The following ZDHHC15 variants were observed in gnomAD, a reference collection of about 807,000 sequenced individuals.
The protein encoded by ZDHHC15 is zDHHC palmitoyltransferase 15, also known as palmitoyltransferase ZDHHC15.
ZDHHC15 carries 19 observed loss-of-function variants against 31.7 expected under a neutral mutation model. That is an observed-to-expected ratio of 0.60 (90% CI 0.42 to 0.88). The LOEUF (loss-of-function observed/expected upper bound fraction) is 0.88, where lower values mean the gene tolerates loss of function less well. Among genes scored for constraint, ZDHHC15 ranks in the 40% least tolerant of loss-of-function variants. The pLI, the probability that ZDHHC15 is intolerant of heterozygous loss-of-function variation, is 0.00. For synonymous variants in ZDHHC15, 103 were observed against 90.0 expected (o/e 1.14, Z -0.82); for missense variants, 209 against 251.2 (o/e 0.83, Z 1.14).
intron 2 of ZDHHC15, among the ~76,000 whole-genome samples, chrX:75,480,066 C>T (rs1221470570): frequency 9.1e-6 from 1 of 110,308 alleles, no homozygotes; most frequent in African/African-American, 3.3e-5. Flanking sequence ...CTTATTACTT[C>T]AATCCGTCAG....
chrX:75,489,516 C>A (rs989853711), intron 2 of ZDHHC15, among the ~76,000 whole-genome samples: 1 of 112,150 alleles, frequency 8.9e-6, no homozygotes, highest in Non-Finnish European at 1.9e-5. Flanking sequence ...TCCAACAGAC[C>A]TGCAGCTGAG....
At chrX:75,402,657 C>T (rs1467556183) in intron 10 of ZDHHC15, among the ~76,000 whole-genome samples, 2 of 111,116 alleles carry the variant, frequency 1.8e-5, no homozygotes, top group Non-Finnish European at 3.8e-5. Flanking sequence ...AATTCCTAGA[C>T]ACATATACCC....
chrX:75,464,506 C>T (rs915416355), intron 3 of ZDHHC15, among the ~76,000 whole-genome samples: 22 of 110,557 alleles, frequency 2.0e-4, no homozygotes, highest in African/African-American at 6.5e-4. Context: ...CTTGTTAAAA[C>T]AAAAAAAGAA....
At chrX:75,459,011 AC>A (rs547922130) in intron 3 of ZDHHC15, among the ~76,000 whole-genome samples, 37,350 of 82,183 alleles carry the variant, frequency 0.45, 9,516 homozygotes, top group Non-Finnish European at 0.69. Context: ...AAAAAAAAAA[AC>A]AACCCCCAGC....
At chrX:75,439,895 TG>T (rs1340537737) in intron 4 of ZDHHC15, among the ~76,000 whole-genome samples, 1 of 111,530 alleles carries the variant, frequency 9.0e-6, no homozygotes, top group African/African-American at 3.3e-5. Flanking sequence ...TTTCTAAGGA[TG>T]GGGTTTCCTG....
intron 11 of ZDHHC15, among the ~76,000 whole-genome samples, chrX:75,375,665 G>A (rs1407114750): frequency 9.0e-6 from 1 of 111,512 alleles, no homozygotes; most frequent in Non-Finnish European, 1.9e-5. Flanking sequence ...GCATTATTTG[G>A]TTTCCTGTTT....
At chrX:75,381,921 C>T (rs1194233432) in intron 10 of ZDHHC15, among the ~76,000 whole-genome samples, 3 of 111,519 alleles carry the variant, frequency 2.7e-5, no homozygotes, top group Non-Finnish European at 1.9e-5. Context: ...TTTCTCATTC[C>T]AATAACATCT....
chrX:75,422,636 TCTGA>T (rs1569321399), intron 8 of ZDHHC15, among the ~76,000 whole-genome samples: 1 of 110,987 alleles, frequency 9.0e-6, no homozygotes, highest in Non-Finnish European at 1.9e-5. Flanking sequence ...TCTAGCTGCA[TCTGA>T]CTGTTTCTCA....
At chrX:75,521,120 GA>G (rs2085435370) in intron 1 of ZDHHC15, among the ~76,000 whole-genome samples, 1 of 110,767 alleles carries the variant, frequency 9.0e-6, no homozygotes, top group East Asian at 2.9e-4. Context: ...AGAAGTCTCA[GA>G]AGGACTTGGG....
At chrX:75,398,503 T>C (rs1280747302) in intron 10 of ZDHHC15, among the ~76,000 whole-genome samples, 1 of 112,801 alleles carries the variant, frequency 8.9e-6, no homozygotes, top group Admixed American at 9.3e-5. Context: ...GCTCTTTGGA[T>C]GACTTAGCCA....
chrX:75,468,761 G>T (rs964678761), intron 3 of ZDHHC15, among the ~76,000 whole-genome samples: 4 of 111,334 alleles, frequency 3.6e-5, no homozygotes, highest in African/African-American at 1.3e-4. Flanking sequence ...ATTTAATTTG[G>T]CTATCCTAGT....
chrX:75,381,051 T>C (rs1299449354), intron 10 of ZDHHC15, among the ~76,000 whole-genome samples: 1 of 111,353 alleles, frequency 9.0e-6, no homozygotes, highest in Non-Finnish European at 1.9e-5. Flanking sequence ...AAAACTTAGG[T>C]TGAGTCACCA....
intron 2 of ZDHHC15, 35 bp downstream of exon 2, chrX:75,505,786 G>A (rs367951488): frequency 3.8e-5 from 46 of 1,201,256 alleles, no homozygotes; most frequent in Middle Eastern, 2.3e-4. Flanking sequence ...AAAAGGACAC[G>A]GTCCTGATCA....
At chrX:75,493,077 A>G (rs1423021593) in intron 2 of ZDHHC15, among the ~76,000 whole-genome samples, 10 of 111,982 alleles carry the variant, frequency 8.9e-5, no homozygotes, top group African/African-American at 3.2e-4. Context: ...TCAAATAGAT[A>G]CAATACAAAA....
chrX:75,435,990 C>G (rs1343187856), intron 4 of ZDHHC15, among the ~76,000 whole-genome samples: 1 of 110,918 alleles, frequency 9.0e-6, no homozygotes, highest in Non-Finnish European at 1.9e-5. Flanking sequence ...TTTTTGTTGG[C>G]AATTTTTTTA....
At chrX:75,513,512 A>G (rs1023873812) in intron 1 of ZDHHC15, among the ~76,000 whole-genome samples, 12 of 111,400 alleles carry the variant, frequency 1.1e-4, no homozygotes, top group African/African-American at 3.6e-4. Context: ...GACATTTTAA[A>G]GTGGCTGCCT....
intron 7 of ZDHHC15, among the ~76,000 whole-genome samples, chrX:75,427,390 A>G (rs758953836): frequency 8.9e-6 from 1 of 112,150 alleles, no homozygotes; most frequent in African/African-American, 3.2e-5. Flanking sequence ...ATATCCAAAT[A>G]TTATCTTTCA....
chrX:75,413,398 A>C (rs762639194), intron 10 of ZDHHC15, among the ~76,000 whole-genome samples: 1 of 112,018 alleles, frequency 8.9e-6, no homozygotes, highest in Non-Finnish European at 1.9e-5. Flanking sequence ...CTAATTTGAA[A>C]GGAGTGACAC....
chrX:75,382,499 A>G lies in ZDHHC15; in HGVS notation c.968-3301T>C, dbSNP rs933061121. On this transcript the variant is annotated intron_variant, in intron 10 of 11. Transcript: ENST00000373367. ...TGTATTGTGTTTGATGTTTTCAGAA[A>G]TGAGGCCTAGGATTCCTACTCTCAT... Among the ~76,000 whole-genome samples the G allele has an allele frequency of 6.2e-5, 7 of 112,137 alleles. No homozygotes were observed. The East Asian group carries it at 2.0e-3, about 31-fold the overall frequency.
Sources: gnomAD v4.1 joint callset for allele counts (sites outside exome capture counted in the v4.1 genomes callset) on GRCh38, gnomAD v4.1.1 for gene constraint, MANE v1.5 for transcripts, NCBI Gene and HGNC (gene_info 2026-07-23, HGNC 2026-07-21) for gene names.